NMNAT2: variants seen among roughly 807,000 people sequenced by gnomAD.
The protein encoded by NMNAT2 is nicotinamide/nicotinic acid mononucleotide adenylyltransferase 2.
Under a neutral mutation model 41.6 loss-of-function variants are expected in NMNAT2, and 11 were observed. The observed-to-expected ratio is 0.26, with a 90% CI of 0.17 to 0.44. The LOEUF (loss-of-function observed/expected upper bound fraction) is 0.44. Ranked by LOEUF, NMNAT2 falls within the 20% of genes least tolerant of loss-of-function variation. The probability of loss-of-function intolerance (pLI) is 1.00; values close to 1 mark genes in which losing one functional copy is unlikely to be tolerated. For missense variants in NMNAT2, 288 were observed against 407.7 expected (o/e 0.71, Z 2.53); for synonymous variants, 148 against 151.2 (o/e 0.98, Z 0.16).
intron 1 of NMNAT2, among the ~76,000 whole-genome samples, chr1:183,411,010 G>A (rs980276171): frequency 3.3e-5 from 5 of 151,628 alleles, no homozygotes; most frequent in African/African-American, 7.3e-5. Flanking sequence ...GAGCCACCAC[G>A]CCCAGCCAAG....
chr1:183,278,694 G>T, intron 7 of NMNAT2, 65 bp from the exon 8 acceptor site: 3 of 1,148,000 alleles, frequency 2.6e-6, no homozygotes, highest in East Asian at 2.4e-5. Flanking sequence ...TTGACCCTCA[G>T]CCTTCTTCCC....
rs2102264289 is a variant in NMNAT2 at position 183,248,734 on chromosome 1, C to T, written c.*3907G>A. ...AATTGTATGAGCTACAAAATCGGTC[C>T]CTGTTTCCATTCTTCCCATCTCACC... On this transcript the variant is annotated 3_prime_UTR_variant, in exon 11 of 11. Coordinates refer to ENST00000287713, the MANE Select transcript of NMNAT2 (RefSeq NM_015039.4). 1 of 152,296 alleles carries T rather than the reference C, an allele frequency of 6.6e-6. No homozygotes were observed. The highest frequency in any genetic ancestry group is 1.9e-4 in the East Asian group (1 of 5,180). The allele number at this position is 152,296 out of a possible 1,614,324, so 9.4% of individuals were successfully genotyped here.
intron 1 of NMNAT2, among the ~76,000 whole-genome samples, chr1:183,308,954 G>A (rs1662052606): frequency 6.6e-6 from 1 of 152,160 alleles, no homozygotes; most frequent in Non-Finnish European, 1.5e-5. Flanking sequence ...GAGGCTTGAA[G>A]GATCAGGTAG....
chr1:183,400,721 G>A (rs1459046245), intron 1 of NMNAT2, among the ~76,000 whole-genome samples: 1 of 152,108 alleles, frequency 6.6e-6, no homozygotes, highest in Non-Finnish European at 1.5e-5. Context: ...CAGAGATATA[G>A]ACCAATGGAA....
chr1:183,279,886 C>A (rs948959787), intron 7 of NMNAT2, among the ~76,000 whole-genome samples: 5 of 152,208 alleles, frequency 3.3e-5, no homozygotes, highest in Non-Finnish European at 7.4e-5. Flanking sequence ...CAGGGATTTT[C>A]CTTTATCTTT....
intron 7 of NMNAT2, chr1:183,283,312 G>A (rs1425377797): frequency 1.3e-5 from 2 of 152,696 alleles, no homozygotes; most frequent in African/African-American, 4.8e-5. Context: ...GCCAGCTCCA[G>A]CTCTATTCTG....
chr1:183,274,766 T>TA (rs34658876), intron 8 of NMNAT2, among the ~76,000 whole-genome samples: 13,336 of 125,120 alleles, frequency 0.11, 808 homozygotes, highest in Non-Finnish European at 0.15. Context: ...ACCTTGTCTC[T>TA]AAAAAAAAAA....
chr1:183,382,011 T>G (rs527391227), intron 1 of NMNAT2, among the ~76,000 whole-genome samples: 58 of 152,360 alleles, frequency 3.8e-4, no homozygotes, highest in Middle Eastern at 3.4e-3. Context: ...ATTAGTCCAT[T>G]CTCACATTGT....
intron 1 of NMNAT2, among the ~76,000 whole-genome samples, chr1:183,311,184 G>A (rs982559303): frequency 1.3e-5 from 2 of 152,084 alleles, no homozygotes; most frequent in African/African-American, 4.8e-5. Flanking sequence ...AGGTACTGAA[G>A]CTTCAAAATT....
intron 8 of NMNAT2, among the ~76,000 whole-genome samples, chr1:183,269,915 G>A (rs941729156): frequency 5.1e-4 from 78 of 151,944 alleles, no homozygotes; most frequent in African/African-American, 1.6e-3. Context: ...ACAGAGTCTC[G>A]CTCTGTAGCC....
At chr1:183,277,505 T>C (rs1012782096) in intron 8 of NMNAT2, among the ~76,000 whole-genome samples, 4 of 107,344 alleles carry the variant, frequency 3.7e-5, no homozygotes, top group African/African-American at 1.6e-4. Flanking sequence ...ACAGAGTGAC[T>C]CCGTCTCAAA....
At chr1:183,363,593 C>CAT (rs1223346325) in intron 1 of NMNAT2, among the ~76,000 whole-genome samples, 7 of 151,950 alleles carry the variant, frequency 4.6e-5, no homozygotes, top group Admixed American at 3.9e-4. Context: ...CACACACACA[C>CAT]ACACACACAC....
At chr1:183,281,919 T>C (rs558441407) in intron 7 of NMNAT2, among the ~76,000 whole-genome samples, 3 of 152,344 alleles carry the variant, frequency 2.0e-5, no homozygotes, top group African/African-American at 7.2e-5. Context: ...CCAGCTCCTC[T>C]GGGCTAGCCT....
At chr1:183,318,650 A>G (rs528621139) in intron 1 of NMNAT2, among the ~76,000 whole-genome samples, 1 of 151,824 alleles carries the variant, frequency 6.6e-6, no homozygotes, top group East Asian at 1.9e-4. Flanking sequence ...CCTGGGAAAA[A>G]CCCTCAGTCC....
At position 183,294,895 on chromosome 1, in the gene NMNAT2, C is replaced by T. The variant is rs1483919651; in HGVS notation, c.86-1102G>A. 2.6e-5 allele frequency among the ~76,000 whole-genome samples: 4 copies of T among 152,210 alleles called. 1 individual carries two copies. The highest frequency in any genetic ancestry group is 9.7e-5 in the African/African-American group (4 of 41,448). ...AGTGAAGGAATTTTTAAGTAGAAGGCGGCCTGGGCAGCAAAGCTGGCTGTG... is the reference window on the plus strand; with the variant it reads ...AGTGAAGGAATTTTTAAGTAGAAGGTGGCCTGGGCAGCAAAGCTGGCTGTG... On this transcript the variant is annotated intron_variant, in intron 1 of 10. Coordinates refer to ENST00000287713, the MANE Select transcript of NMNAT2 (RefSeq NM_015039.4).
intron 8 of NMNAT2, among the ~76,000 whole-genome samples, chr1:183,262,668 T>C (rs1304846617): frequency 6.6e-6 from 1 of 152,244 alleles, no homozygotes; most frequent in Non-Finnish European, 1.5e-5. Flanking sequence ...TATAATTGGA[T>C]AAAAGGATAT....
chr1:183,389,822 A>AAG (rs1557897741), intron 1 of NMNAT2, among the ~76,000 whole-genome samples: 2 of 78,480 alleles, frequency 2.5e-5, no homozygotes, highest in African/African-American at 8.4e-5. Context: ...GAAAGAAAGA[A>AAG]AGAAAGAAAG....
At chr1:183,295,235 C>G (rs1661658189) in intron 1 of NMNAT2, among the ~76,000 whole-genome samples, 1 of 152,144 alleles carries the variant, frequency 6.6e-6, no homozygotes, top group Non-Finnish European at 1.5e-5. Context: ...CTCCCGGCCT[C>G]AAGTGATCTG....
chr1:183,409,910 T>G (rs1263362722), intron 1 of NMNAT2, among the ~76,000 whole-genome samples: 1 of 152,166 alleles, frequency 6.6e-6, no homozygotes, highest in Non-Finnish European at 1.5e-5. Context: ...ATTTTTTGCT[T>G]GTTTGTTGTT....
Sources: gnomAD v4.1 joint callset for allele counts (sites outside exome capture counted in the v4.1 genomes callset) on GRCh38, gnomAD v4.1.1 for gene constraint, MANE v1.5 for transcripts, NCBI Gene and HGNC (gene_info 2026-07-23, HGNC 2026-07-21) for gene names.